Variants in NFIB observed in about 807,000 individuals in gnomAD.
NFIB encodes nuclear factor 1 B-type.
NFIB carries 11 observed loss-of-function variants against 61.5 expected under a neutral mutation model. That is an observed-to-expected ratio of 0.18 (90% CI 0.11 to 0.30). NFIB has a LOEUF of 0.30. Among genes scored for constraint, NFIB ranks in the 10% least tolerant of loss-of-function variants. The probability of loss-of-function intolerance (pLI) is 1.00; values close to 1 mark genes in which losing one functional copy is unlikely to be tolerated. For synonymous variants in NFIB, 260 were observed against 216.5 expected (o/e 1.20, Z -1.76); for missense variants, 471 against 608.9 (o/e 0.77, Z 2.38).
chr9:14,241,010 TTCTTCTC>T (rs1356364719), intron 2 of NFIB, among the ~76,000 whole-genome samples: 1 of 152,228 alleles, frequency 6.6e-6, no homozygotes, highest in East Asian at 1.9e-4. Flanking sequence ...AATTCAGGGT[TTCTTCTC>T]TACTCTCACA....
At chr9:14,132,551 TA>T (rs2040521341) in intron 6 of NFIB, among the ~76,000 whole-genome samples, 1 of 152,082 alleles carries the variant, frequency 6.6e-6, no homozygotes, top group Admixed American at 6.6e-5. Context: ...TATTATTGTG[TA>T]AATTTCATTT....
rs192315962 is a variant in NFIB, at chr9:14,167,272, G to C, written c.617-11379C>G. 4.0e-3 allele frequency among the ~76,000 whole-genome samples: 610 copies of C among 152,252 alleles called. 2 individuals are homozygous for C. Among genetic ancestry groups the C allele is most frequent in the Admixed American group, 5.2e-3 (79 of 15,288 alleles). ...CATACGTCAGAACTGGCTGGGTGTG[G>C]TGGCTCATGCCTGTAATCCCAGCAC... On this transcript the variant is annotated intron_variant, in intron 3 of 10. Transcript: ENST00000380953.
intron 3 of NFIB, among the ~76,000 whole-genome samples, chr9:14,164,251 T>G (rs10961399): frequency 6.6e-6 from 1 of 152,056 alleles, no homozygotes; most frequent in South Asian, 2.1e-4. Flanking sequence ...AATGGCTTAA[T>G]GGCAGGGACA....
chr9:14,228,734 T>C (rs563736774), intron 2 of NFIB, among the ~76,000 whole-genome samples: 1 of 152,350 alleles, frequency 6.6e-6, no homozygotes, highest in African/African-American at 2.4e-5. Context: ...GATCTGACTG[T>C]TTGGCTTTTT....
At chr9:14,405,171 G>C in the NFIB span, among the ~76,000 whole-genome samples, 1 of 152,306 alleles carries the variant, frequency 6.6e-6, no homozygotes, top group South Asian at 2.1e-4. Flanking sequence ...GCTGGCTGGT[G>C]ATGCCCAGTC....
At chr9:14,146,521 T>C (rs576215564) in intron 6 of NFIB, among the ~76,000 whole-genome samples, 168 bp downstream of exon 6, 68 of 152,304 alleles carry the variant, frequency 4.5e-4, no homozygotes, top group African/African-American at 1.6e-3. Flanking sequence ...TAAATTAACT[T>C]TGACGACATT....
intron 2 of NFIB, among the ~76,000 whole-genome samples, chr9:14,276,985 G>A (rs117307033): frequency 0.053 from 8,007 of 152,068 alleles, 296 homozygotes; most frequent in Non-Finnish European, 0.072. Context: ...ATGGTGCTAC[G>A]AAGAACTTTT....
At chr9:14,131,519 A>C (rs529947535) in intron 6 of NFIB, among the ~76,000 whole-genome samples, 5 of 152,314 alleles carry the variant, frequency 3.3e-5, no homozygotes, top group African/African-American at 9.6e-5. Flanking sequence ...AGTCGCTGTG[A>C]AACACAGCGT....
At chr9:14,483,647 C>T in the NFIB span, among the ~76,000 whole-genome samples, 8 of 152,090 alleles carry the variant, frequency 5.3e-5, no homozygotes, top group African/African-American at 9.7e-5. Context: ...AAATTCTTAG[C>T]GCAGTACCCG....
chr9:14,129,437 TAGAAGGGGAAATAAAAGATCA>T (rs1486246164), intron 6 of NFIB, among the ~76,000 whole-genome samples: 2 of 147,852 alleles, frequency 1.4e-5, no homozygotes, highest in African/African-American at 5.0e-5. Flanking sequence ...CTCTCTAGAC[TAGAAGGGGAAATAAAAGATCA>T]ATTATCTGGG....
intron 1 of NFIB, among the ~76,000 whole-genome samples, chr9:14,360,672 G>C (rs780560136): frequency 2.6e-5 from 4 of 151,822 alleles, no homozygotes; most frequent in Non-Finnish European, 5.9e-5. Context: ...AGCCTTCTGA[G>C]CAGCTGGGAC....
the NFIB span, among the ~76,000 whole-genome samples, chr9:14,457,006 C>A: frequency 6.6e-6 from 1 of 152,110 alleles, no homozygotes; most frequent in Non-Finnish European, 1.5e-5. Flanking sequence ...ACAACCATAA[C>A]AATGAATGAG....
intron 2 of NFIB, among the ~76,000 whole-genome samples, chr9:14,238,774 G>A (rs2054057375): frequency 6.6e-6 from 1 of 152,042 alleles, no homozygotes; most frequent in African/African-American, 2.4e-5. Context: ...CACGTCTCTT[G>A]CCACAGGGGG....
At chr9:14,498,326 C>G in the NFIB span, among the ~76,000 whole-genome samples, 3 of 152,174 alleles carry the variant, frequency 2.0e-5, no homozygotes, top group Admixed American at 1.3e-4. Flanking sequence ...TTGTGTGAAT[C>G]TCACATTTGG....
In NFIB at chr9:14,307,809, A is replaced by G. The variant is rs2060092804; in HGVS notation, c.31-289T>C. 1 of 254,196 alleles carries G rather than the reference A, an allele frequency of 3.9e-6. No homozygotes were observed. The highest frequency in any genetic ancestry group is 7.6e-6 in the Non-Finnish European group (1 of 131,752). 15.7% of individuals were successfully genotyped at this position (254,196 alleles called of 1,614,324 possible). ...CTCTGGCCCCATCCCCCTTGTTTCCACCCCAATGCCATGCATTCTACATTC... is the reference window on the plus strand; with the variant it reads ...CTCTGGCCCCATCCCCCTTGTTTCCGCCCCAATGCCATGCATTCTACATTC... On this transcript the variant is annotated intron_variant, in intron 1 of 10. Transcript: ENST00000380953. The surrounding 1 kb of genome is among the most constrained non-coding windows in gnomAD (Gnocchi z 5.3).
chr9:14,219,283 T>C (rs975040062), intron 2 of NFIB, among the ~76,000 whole-genome samples: 7 of 150,624 alleles, frequency 4.6e-5, no homozygotes, highest in African/African-American at 1.7e-4. Flanking sequence ...TGCAGATAAA[T>C]TACGTTACTT....
At position 14,185,492 on chromosome 9, in the gene NFIB, T is replaced by C. The variant is rs371050160; in HGVS notation, c.563-5712A>G. On this transcript the variant is annotated intron_variant, in intron 2 of 10. Coordinates refer to ENST00000380953, the MANE Select transcript of NFIB (RefSeq NM_001190737.2). The stretch of plus-strand genomic sequence containing the variant: ...CATTTGATGTCTCCAAGTCTGTGCA[T>C]AATGTTCCCCCTTTTTTCTCCCTGA... Among the ~76,000 whole-genome samples, 47 of 152,314 alleles carry C rather than the reference T, an allele frequency of 3.1e-4. No homozygotes were observed. The South Asian group carries it at 6.2e-3, about 20-fold the overall frequency.
chr9:14,456,997 C>A, the NFIB span, among the ~76,000 whole-genome samples: 2 of 152,234 alleles, frequency 1.3e-5, no homozygotes, highest in African/African-American at 2.4e-5. Context: ...GAACAATGTA[C>A]AACCATAACA....
chr9:14,356,118 T>C (rs554504379), intron 1 of NFIB, among the ~76,000 whole-genome samples: 1 of 152,262 alleles, frequency 6.6e-6, no homozygotes, highest in South Asian at 2.1e-4. Flanking sequence ...ATATTAAGAT[T>C]ATGGGGTCCC....
Sources: allele counts gnomAD v4.1 joint callset (sites outside exome capture counted in the v4.1 genomes callset), GRCh38; gene constraint gnomAD v4.1.1; non-coding constraint Gnocchi (gnomAD v3.1); transcripts MANE v1.5; gene names NCBI Gene and HGNC (gene_info 2026-07-23, HGNC 2026-07-21).